The following PRKAG2 variants were observed in gnomAD, a reference collection of about 807,000 sequenced individuals.
The protein encoded by PRKAG2 is protein kinase AMP-activated non-catalytic subunit gamma 2.
A neutral mutation model predicts 69.6 loss-of-function variants in PRKAG2; 26 were observed. That is an observed-to-expected ratio of 0.37 (90% CI 0.27 to 0.52). PRKAG2 has a LOEUF of 0.52. Among genes scored for constraint, PRKAG2 ranks in the 20% least tolerant of loss-of-function variants. The probability of loss-of-function intolerance (pLI) is 0.90; values close to 1 mark genes in which losing one functional copy is unlikely to be tolerated. For synonymous variants in PRKAG2, 293 were observed against 285.0 expected, an observed-to-expected ratio of 1.03 and a Z score of -0.28; for missense variants, 557 against 740.0, an observed-to-expected ratio of 0.75 and a Z score of 2.87.
intron 4 of PRKAG2, among the ~76,000 whole-genome samples, chr7:151,641,624 A>G (rs767380976): frequency 1.2e-4 from 18 of 151,606 alleles, no homozygotes; most frequent in Non-Finnish European, 1.6e-4. Flanking sequence ...AGCTCACTGT[A>G]ACCTTGAACT....
intron 1 of PRKAG2, among the ~76,000 whole-genome samples, chr7:151,795,319 G>A (rs1042844886): frequency 5.3e-5 from 8 of 152,300 alleles, no homozygotes; most frequent in East Asian, 1.9e-4. Flanking sequence ...CTGTGCAGCC[G>A]TCTCCTCGAG....
intron 3 of PRKAG2, among the ~76,000 whole-genome samples, chr7:151,683,930 C>G (rs1481430609): frequency 6.6e-6 from 1 of 152,218 alleles, no homozygotes; most frequent in East Asian, 1.9e-4. Flanking sequence ...AGCAAACCCA[C>G]TGCTTCAATG....
intron 1 of PRKAG2, among the ~76,000 whole-genome samples, chr7:151,873,546 C>T (rs1176931832): frequency 6.6e-6 from 1 of 152,182 alleles, no homozygotes; most frequent in Non-Finnish European, 1.5e-5. Context: ...CCTGTGAGGA[C>T]TTGGGCAGAT....
chr7:151,693,791 G>A (rs1836106889), intron 3 of PRKAG2, among the ~76,000 whole-genome samples: 1 of 152,212 alleles, frequency 6.6e-6, no homozygotes, highest in Non-Finnish European at 1.5e-5. Context: ...AGGAGGAGCT[G>A]AAGCAGGTCC....
At chr7:151,740,745 G>C (rs895660337) in intron 3 of PRKAG2, among the ~76,000 whole-genome samples, 1 of 152,200 alleles carries the variant, frequency 6.6e-6, no homozygotes, top group Non-Finnish European at 1.5e-5. Context: ...GAGAAGGCCC[G>C]TGTGGCCCTG....
intron 1 of PRKAG2, among the ~76,000 whole-genome samples, chr7:151,875,784 T>C (rs1235395224): frequency 6.6e-6 from 1 of 151,754 alleles, no homozygotes. Flanking sequence ...CTGGACAAAG[T>C]GAAGCCGCAG....
chr7:151,667,310 G>A (rs1313666140), intron 4 of PRKAG2, among the ~76,000 whole-genome samples: 1 of 152,172 alleles, frequency 6.6e-6, no homozygotes, highest in Admixed American at 6.5e-5. Flanking sequence ...CTTAGAGTTT[G>A]TATCTGAGGG....
At chr7:151,787,850 C>T (rs553183596) in intron 1 of PRKAG2, among the ~76,000 whole-genome samples, 1 of 152,234 alleles carries the variant, frequency 6.6e-6, no homozygotes, top group African/African-American at 2.4e-5. Context: ...GAGATTAGGA[C>T]ACAGGCACCT....
rs2151330525 is a variant in PRKAG2, at chr7:151,632,798, G to C, written c.685-660C>G. 6.4e-6 allele frequency: 1 copy of C among 156,520 alleles called. No individual in the cohort carries two copies. The highest frequency in any genetic ancestry group is 1.9e-4 in the East Asian group (1 of 5,200). The allele number at this position is 156,520 out of a possible 1,614,324, so 9.7% of individuals were successfully genotyped here. A position where few individuals can be genotyped will look rare whatever the true frequency, so the allele number is the denominator to read the frequency against. On this transcript the variant is annotated intron_variant, in intron 4 of 15. Transcript: ENST00000287878. The surrounding 1 kb of genome is among the most constrained non-coding windows in gnomAD (Gnocchi z 4.2). ...GCTACACGTATTGTAGATGCACTTT[G>C]TCGCTATCCATTTTTTTTTTTCCAG...
intron 11 of PRKAG2, among the ~76,000 whole-genome samples, chr7:151,568,388 TC>T (rs1806751416): frequency 6.6e-6 from 1 of 152,264 alleles, no homozygotes; most frequent in African/African-American, 2.4e-5. Context: ...GTTCAGTTTA[TC>T]TTGTACAACA....
intron 1 of PRKAG2, among the ~76,000 whole-genome samples, chr7:151,861,710 C>T (rs2079930769): frequency 6.6e-6 from 1 of 152,026 alleles, no homozygotes; most frequent in Admixed American, 6.6e-5. Flanking sequence ...ACATCCTGCT[C>T]TTTACTGTGG....
chr7:151,584,262 T>C (rs1421680887), intron 6 of PRKAG2, among the ~76,000 whole-genome samples: 1 of 152,096 alleles, frequency 6.6e-6, no homozygotes, highest in Non-Finnish European at 1.5e-5. Flanking sequence ...AAAACAGACA[T>C]AGGAACATGG....
intron 6 of PRKAG2, among the ~76,000 whole-genome samples, chr7:151,582,310 T>C (rs981343292): frequency 1.4e-4 from 21 of 151,986 alleles, no homozygotes; most frequent in African/African-American, 4.6e-4. Flanking sequence ...CCACCACAGC[T>C]AGCTTTTTAT....
chr7:151,650,743 T>C (rs1338168433), intron 4 of PRKAG2, among the ~76,000 whole-genome samples: 1 of 152,168 alleles, frequency 6.6e-6, no homozygotes, highest in African/African-American at 2.4e-5. Flanking sequence ...TGTGACAACC[T>C]CCTACTCCAG....
intron 5 of PRKAG2, among the ~76,000 whole-genome samples, chr7:151,627,140 A>C (rs1823150780): frequency 6.6e-6 from 1 of 152,226 alleles, no homozygotes; most frequent in African/African-American, 2.4e-5. Flanking sequence ...TAACGACAGC[A>C]ATAACAACAA....
At chr7:151,595,513 G>T in intron 5 of PRKAG2, 59 bp from the exon 6 acceptor site, 1 of 1,144,858 alleles carries the variant, frequency 8.7e-7, no homozygotes, top group South Asian at 1.2e-5. Flanking sequence ...ATCGGATGAA[G>T]AGCATATACG....
chr7:151,812,896 T>C (rs2078492672), intron 1 of PRKAG2, among the ~76,000 whole-genome samples: 1 of 151,524 alleles, frequency 6.6e-6, no homozygotes, highest in Non-Finnish European at 1.5e-5. Context: ...GTTTCCTCAT[T>C]ATAAGCGTGT....
intron 3 of PRKAG2, among the ~76,000 whole-genome samples, chr7:151,742,087 C>T (rs1226545568): frequency 2.6e-5 from 4 of 152,148 alleles, no homozygotes; most frequent in African/African-American, 9.7e-5. Flanking sequence ...ACCTGGATGG[C>T]ACAGCTGGTA....
At chr7:151,796,548 G>A (rs924637646) in intron 1 of PRKAG2, among the ~76,000 whole-genome samples, 3 of 152,146 alleles carry the variant, frequency 2.0e-5, no homozygotes, top group Non-Finnish European at 2.9e-5. Flanking sequence ...GCCTTCGCAC[G>A]CTGGGTAACA....
Sources: allele counts gnomAD v4.1 joint callset (sites outside exome capture counted in the v4.1 genomes callset), GRCh38; gene constraint gnomAD v4.1.1; non-coding constraint Gnocchi (gnomAD v3.1); transcripts MANE v1.5; gene names NCBI Gene and HGNC (gene_info 2026-07-23, HGNC 2026-07-21).